CCR9: variants seen among roughly 807,000 people sequenced by gnomAD.
The protein encoded by CCR9 is C-C chemokine receptor type 9.
CCR9 carries 4 observed loss-of-function variants against 8.7 expected under a neutral mutation model. The observed-to-expected ratio is 0.46, with a 90% confidence interval of 0.23 to 1.06. The LOEUF (loss-of-function observed/expected upper bound fraction) is 1.06, where lower values mean the gene tolerates loss of function less well. Among genes scored for constraint, CCR9 ranks in the 50% least tolerant of loss-of-function variants. The pLI is 0.21. For synonymous variants in CCR9, 159 were observed against 168.8 expected, an observed-to-expected ratio of 0.94 and a Z score of 0.45; for missense variants, 394 against 453.6, an observed-to-expected ratio of 0.87 and a Z score of 1.19.
At chr3:45,899,467 T>C (rs565400717) in intron 2 of CCR9, among the ~76,000 whole-genome samples, 4 of 152,326 alleles carry the variant, frequency 2.6e-5, no homozygotes, top group Non-Finnish European at 5.9e-5. Flanking sequence ...TTTGTTAATA[T>C]TAACTGTTCA....
chr3:45,887,544 G>T (rs1702019841), intron 1 of CCR9, among the ~76,000 whole-genome samples: 1 of 152,198 alleles, frequency 6.6e-6, no homozygotes, highest in Non-Finnish European at 1.5e-5. Flanking sequence ...TAGACGGCTG[G>T]CAAGTCCATC....
intron 2 of CCR9, 160 bp downstream of exon 2, chr3:45,895,114 C>T: frequency 1.3e-6 from 1 of 767,986 alleles, no homozygotes; most frequent in Admixed American, 2.0e-5. Flanking sequence ...GGTTGTTGTC[C>T]AGCACAGAGG....
intron 2 of CCR9, 111 bp downstream of exon 2, chr3:45,895,065 A>C: frequency 8.4e-7 from 1 of 1,185,676 alleles, no homozygotes; most frequent in African/African-American, 1.5e-5. Flanking sequence ...GTGGTTTCCC[A>C]GGGTAAGATC....
Position 45,901,370 on chromosome 3 carries a change from C to T in CCR9, c.582C>T (p.Gly194=), listed in dbSNP as rs1262121704. The change falls in exon 3 of 3, where the codon GGC becomes GGT. Residue 194 remains glycine (G), a synonymous_variant. Coordinates refer to ENST00000357632, the MANE Select transcript of CCR9 (RefSeq NM_031200.3). The surrounding 1 kb of genome is among the most constrained non-coding windows in gnomAD (Gnocchi z 4.3). ...ILYSQIKEES[G]IAICTMVYPS... ...ACAGCCAAATCAAGGAGGAATCCGG[C>T]ATTGCTATCTGCACCATGGTTTACC... 6.2e-6 allele frequency: 10 copies of T among 1,614,200 alleles called. No homozygotes were observed. Among genetic ancestry groups the T allele is most frequent in the Non-Finnish European group, 8.5e-6 (10 of 1,180,032 alleles).
In CCR9 at chr3:45,900,776, C is replaced by T. The variant is rs1163427785; in HGVS notation, c.22-34C>T. 3.2e-6 allele frequency: 5 copies of T among 1,575,844 alleles called. No individual in the cohort carries two copies. In the African/African-American group the frequency reaches 4.0e-5, roughly 13 times the overall value. Reference sequence around the variant, plus strand: ...TCAGACAGGACCTTCAAAATATTTTCCTTGACCTAATGCCATCTTGTGTCC... The same window carrying T: ...TCAGACAGGACCTTCAAAATATTTTTCTTGACCTAATGCCATCTTGTGTCC... On this transcript the variant is annotated intron_variant, in intron 2 of 2. Transcript: ENST00000357632. The surrounding 1 kb of genome is among the most constrained non-coding windows in gnomAD (Gnocchi z 4.7).
chr3:45,892,345 TGTG>T (rs1702206973), intron 1 of CCR9, among the ~76,000 whole-genome samples: 1 of 152,004 alleles, frequency 6.6e-6, no homozygotes, highest in Non-Finnish European at 1.5e-5. Flanking sequence ...ATAAGGAAAA[TGTG>T]GTACATATAC....
rs1702543194 is a variant in CCR9 at position 45,901,198 on chromosome 3, T to A, written c.410T>A (p.Ile137Asn). The change falls in exon 3 of 3, where the codon ATC becomes AAC. Residue 137 changes from isoleucine to asparagine, a missense_variant. Physicochemically the swap from Ile to Asn is moderately radical, Grantham distance 149. Coordinates refer to ENST00000357632, the MANE Select transcript of CCR9 (RefSeq NM_031200.3). This position sits in a 1 kb window ranked among gnomAD's most constrained non-coding sequence, Gnocchi z 4.3. ...KMNFYSCVLL[I>N]MCISVDRYIA... Reference sequence around the variant, plus strand: ...AACTTCTACAGCTGTGTGTTGCTGATCATGTGCATCAGCGTGGACAGGTAC... The same window carrying A: ...AACTTCTACAGCTGTGTGTTGCTGAACATGTGCATCAGCGTGGACAGGTAC... 6.2e-7 allele frequency: 1 copy of A among 1,614,228 alleles called. No homozygotes were observed. The highest frequency in any genetic ancestry group is 8.5e-7 in the Non-Finnish European group (1 of 1,180,040).
intron 2 of CCR9, among the ~76,000 whole-genome samples, chr3:45,898,927 G>A (rs1024373564): frequency 5.9e-5 from 9 of 152,200 alleles, no homozygotes; most frequent in East Asian, 1.9e-4. Context: ...CAGCACTTTC[G>A]GAGGCCAAAG....
Position 45,900,214 on chromosome 3 carries a change from C to A in CCR9, c.22-596C>A, listed in dbSNP as rs1436309987. Among the ~76,000 whole-genome samples the A allele has an allele frequency of 6.6e-6, 1 of 151,980 alleles. No individual in the cohort carries two copies. Among genetic ancestry groups the A allele is most frequent in the Non-Finnish European group, 1.5e-5 (1 of 68,006 alleles). ...ACCACGGGTCCTGCTAACTATAGAGCAGGTCATGGTGCTTGTGTGTGTATG... is the reference window on the plus strand; with the variant it reads ...ACCACGGGTCCTGCTAACTATAGAGAAGGTCATGGTGCTTGTGTGTGTATG... On this transcript the variant is annotated intron_variant, in intron 2 of 2. Coordinates refer to ENST00000357632, the MANE Select transcript of CCR9 (RefSeq NM_031200.3). This position sits in a 1 kb window ranked among gnomAD's most constrained non-coding sequence, Gnocchi z 4.7.
chr3:45,892,528 A>T (rs148713154), intron 1 of CCR9, among the ~76,000 whole-genome samples: 2 of 152,300 alleles, frequency 1.3e-5, no homozygotes, highest in Non-Finnish European at 2.9e-5. Context: ...ATGGACACAA[A>T]AAAGGGAATA....
At chr3:45,891,273 A>G (rs1357826626) in intron 1 of CCR9, among the ~76,000 whole-genome samples, 3 of 152,090 alleles carry the variant, frequency 2.0e-5, no homozygotes, top group Non-Finnish European at 4.4e-5. Context: ...TCTTAGGGTC[A>G]ATTGCCAAAA....
At chr3:45,896,049 A>G (rs1223971876) in intron 2 of CCR9, among the ~76,000 whole-genome samples, 1 of 152,244 alleles carries the variant, frequency 6.6e-6, no homozygotes, top group African/African-American at 2.4e-5. Context: ...CATTAGTATT[A>G]CATATGTATA....
At chr3:45,899,952 T>G (rs1355842990) in intron 2 of CCR9, among the ~76,000 whole-genome samples, 1 of 152,168 alleles carries the variant, frequency 6.6e-6, no homozygotes, top group Non-Finnish European at 1.5e-5. Context: ...TGTGTATATA[T>G]GTGTGCATGC....
At chr3:45,893,002 A>C (rs1702235038) in intron 1 of CCR9, among the ~76,000 whole-genome samples, 1 of 152,184 alleles carries the variant, frequency 6.6e-6, no homozygotes, top group African/African-American at 2.4e-5. Flanking sequence ...TAAACTGCAA[A>C]TATTAAAATG....
Position 45,901,346 on chromosome 3 carries a change from C to G in CCR9, c.558C>G (p.Tyr186Ter). 1 of 1,614,140 alleles carries G rather than the reference C, an allele frequency of 6.2e-7. No individual in the cohort carries two copies. The highest frequency in any genetic ancestry group is 8.5e-7 in the Non-Finnish European group (1 of 1,180,020). ...CTCTCTGCATCCCAGAAATCTTATA[C>G]AGCCAAATCAAGGAGGAATCCGGCA... Reference protein sequence around the residue: ...AAALCIPEILYSQIKEESGIA... With the variant: ...AAALCIPEIL The change falls in exon 3 of 3, where the codon TAC becomes TAG. Residue 186 changes from tyrosine (Y) to a stop codon, truncating the protein, a stop_gained. Transcript: ENST00000357632. LOFTEE classifies it low-confidence loss of function (END_TRUNC). The surrounding 1 kb of genome is among the most constrained non-coding windows in gnomAD (Gnocchi z 4.3).
At chr3:45,899,038 C>T (rs554921859) in intron 2 of CCR9, among the ~76,000 whole-genome samples, 10 of 152,252 alleles carry the variant, frequency 6.6e-5, no homozygotes, top group South Asian at 2.1e-4. Context: ...TGGTGGCACA[C>T]GCCTGTAATC....
At position 45,900,942 on chromosome 3, in the gene CCR9, C is replaced by T; in HGVS notation, c.154C>T (p.Pro52Ser). ...CAGGCAGTTTGCGAGCCATTTCCTC[C>T]CACCCTTGTACTGGCTCGTGTTCAT... ...NVRQFASHFL[P>S]PLYWLVFIVG... Residue 52 changes from proline (P) to serine (S), a missense_variant, in exon 3 of 3, where the codon CCA becomes TCA. Transcript: ENST00000357632. The surrounding 1 kb of genome is among the most constrained non-coding windows in gnomAD (Gnocchi z 4.7). 1 of 1,614,218 alleles carries T rather than the reference C, an allele frequency of 6.2e-7. No individual in the cohort carries two copies. The highest frequency in any genetic ancestry group is 8.5e-7 in the Non-Finnish European group (1 of 1,180,024).
Position 45,893,298 on chromosome 3 carries a change from G to A in CCR9, c.-28-1608G>A, listed in dbSNP as rs543963159. On this transcript the variant is annotated intron_variant, in intron 1 of 2. Transcript: ENST00000357632. Reference sequence around the variant, plus strand: ...GCCTCCTGAGTAGCTGAGACTACAGGCGCACACCACCACACCTGGCTAATT... The same window carrying A: ...GCCTCCTGAGTAGCTGAGACTACAGACGCACACCACCACACCTGGCTAATT... Among the ~76,000 whole-genome samples the A allele has an allele frequency of 7.9e-5, 12 of 152,214 alleles. No homozygotes were observed. The South Asian group carries it at 2.5e-3, about 32-fold the overall frequency.
At chr3:45,891,355 A>G (rs6441933) in intron 1 of CCR9, among the ~76,000 whole-genome samples, 78,315 of 152,160 alleles carry the variant, frequency 0.51, 23,338 homozygotes, top group African/African-American at 0.83. Flanking sequence ...GAAAAGTGAA[A>G]AATTGTGTAA....
Sources: gnomAD v4.1 joint callset for allele counts (sites outside exome capture counted in the v4.1 genomes callset) on GRCh38, gnomAD v4.1.1 for gene constraint, Gnocchi (gnomAD v3.1) non-coding constraint, MANE v1.5 for transcripts, NCBI Gene and HGNC (gene_info 2026-07-23, HGNC 2026-07-21) for gene names.